The following STARD5 variants were observed in gnomAD, a reference collection of about 807,000 sequenced individuals.
The protein encoded by STARD5 is StAR related lipid transfer domain containing 5, also known as stAR-related lipid transfer protein 5.
Under a neutral mutation model 24.6 loss-of-function variants are expected in STARD5, and 26 were observed. The ratio of observed to expected loss-of-function variants is 1.06; its 90% confidence interval spans 0.77 to 1.47. The LOEUF (loss-of-function observed/expected upper bound fraction) is 1.47. Among genes scored for constraint, STARD5 ranks in the 40% most tolerant of loss-of-function variants. The pLI is 0.00. For synonymous variants in STARD5, 101 were observed against 99.7 expected, an observed-to-expected ratio of 1.01 and a Z score of -0.07; for missense variants, 254 against 270.8, an observed-to-expected ratio of 0.94 and a Z score of 0.44.
At position 81,312,047 on chromosome 15, in the gene STARD5, T is replaced by C. The variant is rs4778641; in HGVS notation, c.*1209A>G. On this transcript the variant is annotated 3_prime_UTR_variant, in exon 6 of 6. Coordinates refer to ENST00000302824, the MANE Select transcript of STARD5 (RefSeq NM_181900.3). ...AAGGCTGAGAACACTGTGAAAACAT[T>C]TTGCGCGCACAATAGTAACCTGGGT... 0.46 allele frequency: 69,393 copies of C among 151,672 alleles called. 17,055 individuals carry two copies. The highest frequency in any genetic ancestry group is 0.66 in the African/African-American group (27,166 of 41,296). 9.4% of individuals were successfully genotyped at this position (151,672 alleles called of 1,614,324 possible).
Position 81,315,946 on chromosome 15 carries a change from A to G in STARD5, c.494+2463T>C, listed in dbSNP as rs534795861. On this transcript the variant is annotated intron_variant, in intron 5 of 5. Coordinates refer to ENST00000302824, the MANE Select transcript of STARD5 (RefSeq NM_181900.3). The stretch of plus-strand genomic sequence containing the variant: ...GACCATGTCCTGCTCAGGCCTCCCC[A>G]GTGGCTTCCCATTTTATTCAGAGGA... Among the ~76,000 whole-genome samples the G allele has an allele frequency of 4.6e-5, 7 of 152,278 alleles. No homozygotes were observed. The South Asian group carries it at 1.5e-3, about 32-fold the overall frequency.
intron 5 of STARD5, among the ~76,000 whole-genome samples, chr15:81,314,837 G>T (rs1214659892): frequency 1.5e-5 from 2 of 131,178 alleles, no homozygotes; most frequent in African/African-American, 5.5e-5. Flanking sequence ...AGTGAGCCGA[G>T]ATTACACCAT....
chr15:81,321,188 A>G (rs1901187725), intron 3 of STARD5, among the ~76,000 whole-genome samples: 1 of 152,242 alleles, frequency 6.6e-6, no homozygotes, highest in Non-Finnish European at 1.5e-5. Flanking sequence ...TAGAAAAAAG[A>G]GAGCTCCCAT....
At chr15:81,316,485 T>G (rs1229185161) in intron 5 of STARD5, among the ~76,000 whole-genome samples, 1 of 152,352 alleles carries the variant, frequency 6.6e-6, no homozygotes, top group African/African-American at 2.4e-5. Flanking sequence ...CTGTGTGACC[T>G]TGGGTTAGTT....
At position 81,311,962 on chromosome 15, in the gene STARD5, G is replaced by C. The variant is rs1900879335; in HGVS notation, c.*1294C>G. ...GCACATTTAAGAGACAGTCACCCCA[G>C]GACTCAAAAATAGGGAAGTAACAGT... On this transcript the variant is annotated 3_prime_UTR_variant, in exon 6 of 6. Transcript: ENST00000302824. The C allele has an allele frequency of 6.6e-6, 1 of 152,178 alleles. No homozygotes were observed. Among genetic ancestry groups the C allele is most frequent in the Admixed American group, 6.5e-5 (1 of 15,280 alleles). 9.4% of individuals were successfully genotyped at this position (152,178 alleles called of 1,614,324 possible).
At chr15:81,316,637 C>T (rs1277247053) in intron 5 of STARD5, among the ~76,000 whole-genome samples, 1 of 152,184 alleles carries the variant, frequency 6.6e-6, no homozygotes, top group East Asian at 1.9e-4. Context: ...TAAATGTTTG[C>T]TGCTGCTGCT....
At chr15:81,323,451 G>A (rs55907401) in intron 1 of STARD5, 1 of 381,524 alleles carries the variant, frequency 2.6e-6, no homozygotes, top group Non-Finnish European at 4.9e-6. Flanking sequence ...CTCTGGCAAC[G>A]ACAAAGAGAG....
In STARD5 at chr15:81,313,175, G is replaced by A. The variant is rs370844602; in HGVS notation, c.*81C>T. 28 of 1,424,948 alleles carry A rather than the reference G, an allele frequency of 2.0e-5. No individual in the cohort carries two copies. The African/African-American group carries it at 4.0e-4, about 20-fold the overall frequency. The allele number at this position is 1,424,948 out of a possible 1,614,324, so 88.3% of individuals were successfully genotyped here. A position where few individuals can be genotyped will look rare whatever the true frequency, so the allele number is the denominator to read the frequency against. The stretch of plus-strand genomic sequence containing the variant: ...AAAGAGTGAACACAGGCCTCTGCGT[G>A]CTCCCAGGCTCCTTGGTGTCCCAAC... On this transcript the variant is annotated 3_prime_UTR_variant, in exon 6 of 6. Coordinates refer to ENST00000302824, the MANE Select transcript of STARD5 (RefSeq NM_181900.3).
rs1900766018 is a variant in STARD5, at chr15:81,309,874, G to A, written c.*3382C>T. The A allele has an allele frequency of 6.6e-6, 1 of 152,218 alleles. No individual in the cohort carries two copies. The highest frequency in any genetic ancestry group is 1.5e-5 in the Non-Finnish European group (1 of 68,054). 9.4% of individuals were successfully genotyped at this position (152,218 alleles called of 1,614,324 possible). A position where few individuals can be genotyped will look rare whatever the true frequency, so the allele number is the denominator to read the frequency against. Reference sequence around the variant, plus strand: ...TTCTGTGCCAATGTATTGATAAGAGGGCACACACTGTGTACAGTAAATGGC... The same window carrying A: ...TTCTGTGCCAATGTATTGATAAGAGAGCACACACTGTGTACAGTAAATGGC... On this transcript the variant is annotated 3_prime_UTR_variant, in exon 6 of 6. Coordinates refer to ENST00000302824, the MANE Select transcript of STARD5 (RefSeq NM_181900.3).
Position 81,313,794 on chromosome 15 carries a change from C to T in STARD5, c.495-391G>A, listed in dbSNP as rs1266703382. Reference sequence around the variant, plus strand: ...GCAACCTCCTGGGGGCTCCTGGGACCCTTTCAAGGGGTCTACAAAGTTAAC... The same window carrying T: ...GCAACCTCCTGGGGGCTCCTGGGACTCTTTCAAGGGGTCTACAAAGTTAAC... On this transcript the variant is annotated intron_variant, in intron 5 of 5. Coordinates refer to ENST00000302824, the MANE Select transcript of STARD5 (RefSeq NM_181900.3). 3 of 157,200 alleles carry T rather than the reference C, an allele frequency of 1.9e-5. No individual in the cohort carries two copies. The Admixed American group carries it at 1.9e-4, about 10-fold the overall frequency. 9.7% of individuals were successfully genotyped at this position (157,200 alleles called of 1,614,324 possible).
intron 3 of STARD5, among the ~76,000 whole-genome samples, chr15:81,319,881 G>T (rs1901161706): frequency 6.6e-6 from 1 of 152,200 alleles, no homozygotes; most frequent in South Asian, 2.1e-4. Flanking sequence ...GGTGGAGATA[G>T]GATTTGAACA....
chr15:81,318,314 G>C (rs1183492514), intron 5 of STARD5, 95 bp downstream of exon 5: 1 of 1,023,162 alleles, frequency 9.8e-7, no homozygotes, highest in Non-Finnish European at 1.5e-6. Flanking sequence ...TTCTTCTTTT[G>C]AATCGTAGTC....
intron 3 of STARD5, 60 bp downstream of exon 3, chr15:81,322,348 G>A: frequency 1.2e-6 from 2 of 1,603,384 alleles, no homozygotes; most frequent in South Asian, 2.2e-5. Flanking sequence ...AGAAATGGGA[G>A]GGGGTTACTA....
chr15:81,317,163 C>T (rs370588639), intron 5 of STARD5, among the ~76,000 whole-genome samples: 3 of 149,824 alleles, frequency 2.0e-5, no homozygotes, highest in African/African-American at 7.4e-5. Flanking sequence ...CACCACTGCA[C>T]TCCGGCCTGG....
chr15:81,313,328 G>A lies in STARD5; in HGVS notation c.570C>T (p.Asp190=), dbSNP rs771204487. 1.9e-6 allele frequency: 3 copies of A among 1,579,214 alleles called. No homozygotes were observed. Among genetic ancestry groups the A allele is most frequent in the Admixed American group, 1.8e-5 (1 of 55,306 alleles). The change falls in exon 6 of 6, where the codon GAC becomes GAT. Residue 190 remains aspartate (D), a synonymous_variant. Coordinates refer to ENST00000302824, the MANE Select transcript of STARD5 (RefSeq NM_181900.3). The part of the protein sequence containing the change: ...LSGYLPQNVV[D]SFFPRSMTRF... ...GGGTCATGCTGCGGGGGAAGAAGGA[G>A]TCCACCACGTTCTGTGGGAGGTAAC...
At position 81,323,929 on chromosome 15, in the gene STARD5, T is replaced by C. The variant is rs531025974; in HGVS notation, c.99+72A>G. ...AGAAAACAACGGGGAGAGGAGGCGC[T>C]TGGGGGCTTCTGGGGACCCGGGCTC... On this transcript the variant is annotated intron_variant, in intron 1 of 5. Coordinates refer to ENST00000302824, the MANE Select transcript of STARD5 (RefSeq NM_181900.3). 4 of 1,492,532 alleles carry C rather than the reference T, an allele frequency of 2.7e-6. No homozygotes were observed. In the South Asian group the frequency reaches 4.8e-5, roughly 18 times the overall value. 92.5% of individuals were successfully genotyped at this position (1,492,532 alleles called of 1,614,324 possible). A position where few individuals can be genotyped will look rare whatever the true frequency, so the allele number is the denominator to read the frequency against.
chr15:81,319,747 G>A (rs1012076406), intron 3 of STARD5, among the ~76,000 whole-genome samples: 3 of 152,242 alleles, frequency 2.0e-5, no homozygotes, highest in African/African-American at 4.8e-5. Context: ...TGAGCACCTA[G>A]TAAGAGCCTG....
chr15:81,322,682 C>G (rs1380317700), intron 2 of STARD5, 142 bp from the exon 3 acceptor site: 1 of 1,367,512 alleles, frequency 7.3e-7, no homozygotes, highest in East Asian at 2.3e-5. Context: ...CTGAAAGTCA[C>G]TAGCCCCGCC....
intron 1 of STARD5, 70 bp from the exon 2 acceptor site, chr15:81,323,018 T>C: frequency 6.3e-7 from 1 of 1,576,030 alleles, no homozygotes. Context: ...TAATCCCCTG[T>C]TCTACAGAAG....
Sources: allele counts gnomAD v4.1 joint callset (sites outside exome capture counted in the v4.1 genomes callset), GRCh38; gene constraint gnomAD v4.1.1; transcripts MANE v1.5; gene names NCBI Gene and HGNC (gene_info 2026-07-23, HGNC 2026-07-21).